CTBP1: variants seen among roughly 807,000 people sequenced by gnomAD.
CTBP1 encodes the protein C-terminal-binding protein 1.
Under a neutral mutation model 42.1 loss-of-function variants are expected in CTBP1, and 11 were observed. That is an observed-to-expected ratio of 0.26 (90% confidence interval 0.16 to 0.43). The LOEUF is 0.43. CTBP1 is among the 20% of genes least tolerant of loss of function. The pLI is 1.00. For synonymous variants in CTBP1, 324 were observed against 277.1 expected, an observed-to-expected ratio of 1.17 and a Z score of -1.68; for missense variants, 399 against 624.3, an observed-to-expected ratio of 0.64 and a Z score of 3.85.
chr4:1,212,191 GT>G lies in CTBP1; in HGVS notation c.*48del. ...CTCCTCCACACACTCTGGTCCGAGGGTTTCCGGGCCCTCTGCCCAGGCGCCG... is the reference window on the plus strand; with the variant it reads ...CTCCTCCACACACTCTGGTCCGAGGGTTCCGGGCCCTCTGCCCAGGCGCCG... On this transcript the variant is annotated 3_prime_UTR_variant, in exon 10 of 10. Coordinates refer to ENST00000382952, the MANE Select transcript of CTBP1 (RefSeq NM_001012614.2). 1 of 1,382,194 alleles carries G rather than the reference GT, an allele frequency of 7.2e-7. No individual in the cohort carries two copies. The highest frequency in any genetic ancestry group is 9.5e-7 in the Non-Finnish European group (1 of 1,057,916). The allele number at this position is 1,382,194 out of a possible 1,614,324, so 85.6% of individuals were successfully genotyped here.
chr4:1,243,095 C>A (rs1381717304), intron 1 of CTBP1: 1 of 985,318 alleles, frequency 1.0e-6, no homozygotes, highest in East Asian at 1.1e-4. Context: ...TCAATGCTAC[C>A]CACGGTGGCC....
chr4:1,225,249 G>A (rs1295517118), intron 5 of CTBP1, 111 bp downstream of exon 5: 8 of 1,302,796 alleles, frequency 6.1e-6, no homozygotes, highest in Admixed American at 2.3e-5. Context: ...GGTTGGGACC[G>A]ACACCTGCAG....
At chr4:1,246,216 GCA>G (rs1266217776) in intron 1 of CTBP1, among the ~76,000 whole-genome samples, 1 of 152,098 alleles carries the variant, frequency 6.6e-6, no homozygotes, top group East Asian at 1.9e-4. Flanking sequence ...GACACTCCCG[GCA>G]CAGAGCTCTT....
At chr4:1,244,402 G>A (rs952629688) in intron 1 of CTBP1, 7 of 984,120 alleles carry the variant, frequency 7.1e-6, no homozygotes, top group Admixed American at 1.2e-4. Flanking sequence ...AGATGCGCCA[G>A]GACCAAGCAG....
chr4:1,225,538 C>A lies in CTBP1; in HGVS notation c.336G>T (p.Ala112=), dbSNP rs965475865. 6.5e-7 allele frequency: 1 copy of A among 1,543,180 alleles called. No individual in the cohort carries two copies. Among genetic ancestry groups the A allele is most frequent in the Admixed American group, 2.0e-5 (1 of 50,992 alleles). Reference sequence around the variant, plus strand: ...TCGAGTCGGCCGTCTCCTCCACAGACGCCGCGGGCACGTTGCAGACGGCAA... The same window carrying A: ...TCGAGTCGGCCGTCTCCTCCACAGAAGCCGCGGGCACGTTGCAGACGGCAA... ...LGIAVCNVPA[A]SVEETADSTL... is the part of the protein sequence containing the mutation. The change falls in exon 5 of 10, where the codon GCG becomes GCT. Residue 112 remains alanine (A), a synonymous_variant. Coordinates refer to ENST00000382952, the MANE Select transcript of CTBP1 (RefSeq NM_001012614.2).
intron 3 of CTBP1, chr4:1,236,776 C>A (rs1422331009): frequency 8.9e-6 from 6 of 674,694 alleles, no homozygotes; most frequent in East Asian, 2.7e-5. Context: ...CAGGACAAAC[C>A]CGGTGTCCAC....
At chr4:1,224,918 G>A (rs1432311181) in intron 5 of CTBP1, among the ~76,000 whole-genome samples, 6 of 151,966 alleles carry the variant, frequency 3.9e-5, no homozygotes, top group Admixed American at 1.3e-4. Flanking sequence ...GGTGTGTGAT[G>A]TCTGTGTGTG....
intron 5 of CTBP1, chr4:1,216,418 A>G (rs1729123346): frequency 1.7e-6 from 1 of 603,508 alleles, no homozygotes; most frequent in Admixed American, 3.0e-5. Context: ...GGAGATGCAC[A>G]GGGGTGGAAA....
At chr4:1,243,827 C>T (rs1461184474) in intron 1 of CTBP1, 13 of 985,314 alleles carry the variant, frequency 1.3e-5, no homozygotes, top group Non-Finnish European at 1.4e-5. Flanking sequence ...ACTGCTTTTC[C>T]TCATCAAAAA....
chr4:1,222,163 T>C (rs1729810629), intron 5 of CTBP1, among the ~76,000 whole-genome samples: 1 of 152,060 alleles, frequency 6.6e-6, no homozygotes, highest in Non-Finnish European at 1.5e-5. Context: ...AGCATGAGGC[T>C]CTTCCACAGA....
chr4:1,242,064 C>T, intron 1 of CTBP1: 1 of 987,574 alleles, frequency 1.0e-6, no homozygotes, highest in East Asian at 1.1e-4. Context: ...GGCTCCACCT[C>T]CGACCCTCAG....
chr4:1,249,886 C>T (rs148436450), upstream of CTBP1: 52 of 186,040 alleles, frequency 2.8e-4, no homozygotes, highest in African/African-American at 1.1e-3. Flanking sequence ...TATCAAAGCC[C>T]TGCCTGCTAC....
At chr4:1,212,511 G>A (rs982627332) in intron 9 of CTBP1, 88 bp from the exon 10 acceptor site, 7 of 1,196,814 alleles carry the variant, frequency 5.8e-6, no homozygotes, top group Non-Finnish European at 3.3e-6. Context: ...AGCACCGAGG[G>A]GGCCTCTCCA....
chr4:1,220,412 G>A (rs1729610573), intron 5 of CTBP1, among the ~76,000 whole-genome samples: 1 of 152,146 alleles, frequency 6.6e-6, no homozygotes, highest in Non-Finnish European at 1.5e-5. Context: ...ACACCGTTAA[G>A]AAAAGTTAAA....
chr4:1,242,687 A>G (rs1174094305), intron 1 of CTBP1: 9 of 985,412 alleles, frequency 9.1e-6, no homozygotes, highest in Non-Finnish European at 1.1e-5. Flanking sequence ...AGGGCCCAAG[A>G]GCAACACTGT....
In CTBP1 at chr4:1,211,566, G is replaced by A. The variant is rs1487279454; in HGVS notation, c.*674C>T. 4.6e-5 allele frequency: 7 copies of A among 152,390 alleles called. No individual in the cohort carries two copies. The highest frequency in any genetic ancestry group is 2.1e-4 in the South Asian group (1 of 4,828). 9.4% of individuals were successfully genotyped at this position (152,390 alleles called of 1,614,324 possible). ...TCAGCAGGACGGCACTGGTGCAGGC[G>A]GGGACGCTGCCACCCTCCACGTCCC... On this transcript the variant is annotated 3_prime_UTR_variant, in exon 10 of 10. Transcript: ENST00000382952.
At chr4:1,245,956 G>A (rs925672657) in intron 1 of CTBP1, among the ~76,000 whole-genome samples, 1 of 152,190 alleles carries the variant, frequency 6.6e-6, no homozygotes, top group Non-Finnish European at 1.5e-5. Context: ...GTACCACCTG[G>A]GGCCGCCCAG....
At position 1,225,236 on chromosome 4, in the gene CTBP1, CTGGGT is replaced by C. The variant is rs947215669; in HGVS notation, c.514+119_514+123del. The C allele has an allele frequency of 7.6e-6, 9 of 1,187,074 alleles. No individual in the cohort carries two copies. In the African/African-American group the frequency reaches 1.4e-4, roughly 18 times the overall value. 73.5% of individuals were successfully genotyped at this position (1,187,074 alleles called of 1,614,324 possible). A position where few individuals can be genotyped will look rare whatever the true frequency, so the allele number is the denominator to read the frequency against. On this transcript the variant is annotated intron_variant, in intron 5 of 9. Coordinates refer to ENST00000382952, the MANE Select transcript of CTBP1 (RefSeq NM_001012614.2). Reference sequence around the variant, plus strand: ...GTGCCTGTGCGCACTCAGTCCTGTCCTGGGTTGGGACCGACACCTGCAGCAGCCCC... The same window carrying C: ...GTGCCTGTGCGCACTCAGTCCTGTCCTGGGACCGACACCTGCAGCAGCCCC...
At chr4:1,228,037 T>C (rs1271161416) in intron 4 of CTBP1, among the ~76,000 whole-genome samples, 162 bp downstream of exon 4, 2 of 152,190 alleles carry the variant, frequency 1.3e-5, no homozygotes, top group African/African-American at 4.8e-5. Flanking sequence ...ACTGAATGGC[T>C]GCAACCTCAT....
Sources: allele counts gnomAD v4.1 joint callset (sites outside exome capture counted in the v4.1 genomes callset), GRCh38; gene constraint gnomAD v4.1.1; transcripts MANE v1.5; gene names NCBI Gene and HGNC (gene_info 2026-07-23, HGNC 2026-07-21).